The following DOCK11 variants were observed in gnomAD, a reference collection of about 807,000 sequenced individuals.
The protein encoded by DOCK11 is dedicator of cytokinesis protein 11.
In DOCK11, 70 loss-of-function variants were observed where a neutral mutation model predicts 169.1. The ratio of observed to expected loss-of-function variants is 0.41; its 90% confidence interval spans 0.34 to 0.51. The LOEUF is 0.51. Ranked by LOEUF, DOCK11 falls within the 20% of genes least tolerant of loss-of-function variation. DOCK11 has a pLI of 0.10. For synonymous variants in DOCK11, 529 were observed against 541.3 expected, an observed-to-expected ratio of 0.98 and a Z score of 0.32; for missense variants, 1,166 against 1,538.8, an observed-to-expected ratio of 0.76 and a Z score of 4.05.
At chrX:118,546,801 G>T (rs2012301419) in intron 6 of DOCK11, among the ~76,000 whole-genome samples, 1 of 110,731 alleles carries the variant, frequency 9.0e-6, no homozygotes, top group African/African-American at 3.3e-5. Context: ...ACCAGCCTGT[G>T]CAACATGATG....
chrX:118,529,599 C>G (rs2011461086), intron 1 of DOCK11, among the ~76,000 whole-genome samples: 1 of 111,923 alleles, frequency 8.9e-6, no homozygotes, highest in Non-Finnish European at 1.9e-5. Context: ...GACAACGACA[C>G]TACAATCACA....
At chrX:118,566,471 T>A in intron 8 of DOCK11, 103 bp from the exon 9 acceptor site, 1 of 772,331 alleles carries the variant, frequency 1.3e-6, no homozygotes, top group African/African-American at 2.1e-5. Context: ...TTGCAATAAA[T>A]CTTGTAGGAG....
chrX:118,645,934 T>A (rs2015649135), intron 40 of DOCK11, among the ~76,000 whole-genome samples: 1 of 102,688 alleles, frequency 9.7e-6, no homozygotes, highest in South Asian at 4.4e-4. Context: ...CAGGTGCCTG[T>A]AGTCCCAGCT....
At chrX:118,647,343 C>A (rs1216586679) in intron 40 of DOCK11, among the ~76,000 whole-genome samples, 1 of 100,810 alleles carries the variant, frequency 9.9e-6, no homozygotes, top group Non-Finnish European at 2.0e-5. Context: ...TTTTTAAGCC[C>A]CCATTTGAGA....
Position 118,618,733 on chromosome X carries a change from G to C in DOCK11, c.3471+5G>C, listed in dbSNP as rs1446375371. 2 of 1,187,375 alleles carry C rather than the reference G, an allele frequency of 1.7e-6. No individual in the cohort carries two copies. Among genetic ancestry groups the C allele is most frequent in the Non-Finnish European group, 2.3e-6 (2 of 879,814 alleles). On this transcript the variant is annotated splice_donor_5th_base_variant and intron_variant, in intron 31 of 52. Transcript: ENST00000276202. Reference sequence around the variant, plus strand: ...GACACAAGATACCAGCACAAGGTAAGGATATCCATGCAGTCATCAGTATCA... The same window carrying C: ...GACACAAGATACCAGCACAAGGTAACGATATCCATGCAGTCATCAGTATCA...
intron 1 of DOCK11, among the ~76,000 whole-genome samples, chrX:118,529,385 T>G (rs1312409939): frequency 8.9e-6 from 1 of 112,249 alleles, no homozygotes; most frequent in Non-Finnish European, 1.9e-5. Flanking sequence ...AATTAGTGAG[T>G]GATGATTCAT....
intron 1 of DOCK11, among the ~76,000 whole-genome samples, chrX:118,516,595 A>T (rs1156651837): frequency 3.7e-5 from 4 of 107,705 alleles, no homozygotes; most frequent in African/African-American, 1.4e-4. Context: ...TACCATGCCC[A>T]AGCTAATTTT....
intron 28 of DOCK11, among the ~76,000 whole-genome samples, chrX:118,613,241 G>GT (rs1352576503): frequency 8.9e-6 from 1 of 112,132 alleles, no homozygotes; most frequent in Admixed American, 9.5e-5. Flanking sequence ...TCCTCTAAAT[G>GT]TTTGTTGGAT....
chrX:118,652,511 A>G (rs774277171), intron 42 of DOCK11, among the ~76,000 whole-genome samples: 1 of 111,777 alleles, frequency 8.9e-6, no homozygotes, highest in South Asian at 3.7e-4. Context: ...TTGCCAATGG[A>G]TGAGAAATGG....
At chrX:118,648,491 A>C (rs1007773724) in intron 40 of DOCK11, among the ~76,000 whole-genome samples, 3 of 96,596 alleles carry the variant, frequency 3.1e-5, no homozygotes, top group Non-Finnish European at 6.1e-5. Flanking sequence ...ATAATATATT[A>C]TATTGATATG....
chrX:118,596,908 C>T (rs2014184146), intron 20 of DOCK11, among the ~76,000 whole-genome samples: 1 of 111,521 alleles, frequency 9.0e-6, no homozygotes, highest in African/African-American at 3.3e-5. Flanking sequence ...GGAGTGTAGC[C>T]GTGACTTTGT....
chrX:118,630,301 T>C, intron 34 of DOCK11, 78 bp from the exon 35 acceptor site: 2 of 562,440 alleles, frequency 3.6e-6, no homozygotes, highest in Non-Finnish European at 5.7e-6. Context: ...ACAGATCTAA[T>C]GATAAAAAAA....
intron 1 of DOCK11, among the ~76,000 whole-genome samples, chrX:118,536,750 GT>G (rs1325395269): frequency 9.0e-6 from 1 of 111,546 alleles, no homozygotes; most frequent in Non-Finnish European, 1.9e-5. Context: ...GGCAAGGTCT[GT>G]TTTTTTATTC....
At chrX:118,663,280 C>T (rs1392137830) in intron 45 of DOCK11, among the ~76,000 whole-genome samples, 2 of 111,981 alleles carry the variant, frequency 1.8e-5, no homozygotes, top group African/African-American at 6.5e-5. Flanking sequence ...TATGATTAGT[C>T]CCTGACCTCC....
At chrX:118,515,180 G>C (rs777920663) in intron 1 of DOCK11, among the ~76,000 whole-genome samples, 1 of 111,987 alleles carries the variant, frequency 8.9e-6, no homozygotes, top group Non-Finnish European at 1.9e-5. Context: ...GGCATTTAGA[G>C]TCCACCCCAA....
chrX:118,547,563 C>T (rs1190461583), intron 6 of DOCK11, among the ~76,000 whole-genome samples: 2 of 112,103 alleles, frequency 1.8e-5, no homozygotes, highest in Non-Finnish European at 3.8e-5. Context: ...CATGGCTGCC[C>T]TATGCAATAG....
At chrX:118,594,026 C>T (rs914579944) in intron 20 of DOCK11, among the ~76,000 whole-genome samples, 24 of 111,700 alleles carry the variant, frequency 2.1e-4, no homozygotes, top group Non-Finnish European at 3.9e-4. Flanking sequence ...TCCAGTTCTG[C>T]TCACTGAGGA....
At chrX:118,679,995 C>G (rs996772177) in intron 48 of DOCK11, among the ~76,000 whole-genome samples, 4 of 93,566 alleles carry the variant, frequency 4.3e-5, no homozygotes, top group African/African-American at 1.7e-4. Context: ...GGCGCGATCT[C>G]GGCTCACTGC....
In DOCK11 at chrX:118,651,964, A is replaced by G. The variant is rs1474171893; in HGVS notation, c.4582A>G (p.Ile1528Val). 6 of 1,173,859 alleles carry G rather than the reference A, an allele frequency of 5.1e-6. No individual in the cohort carries two copies. Among genetic ancestry groups the G allele is most frequent in the Non-Finnish European group, 6.9e-6 (6 of 867,460 alleles). ...AAATAATATTTACTTCTTCCCACAG[A>G]TAATAATTGCTGTAAGCCAACTGAT... ...RKTFLRTHLQ[I>V]IIAVSQLIAD... The change falls in exon 42 of 53, where the codon ATA (isoleucine) becomes GTA (valine). Residue 1528 changes from isoleucine to valine, a missense_variant and splice_region_variant. Ile to Val is a conservative substitution (Grantham distance 29). Coordinates refer to ENST00000276202, the MANE Select transcript of DOCK11 (RefSeq NM_144658.4).
Sources: allele counts gnomAD v4.1 joint callset (sites outside exome capture counted in the v4.1 genomes callset), GRCh38; gene constraint gnomAD v4.1.1; transcripts MANE v1.5; gene names NCBI Gene and HGNC (gene_info 2026-07-23, HGNC 2026-07-21).